The following SLC35F4 variants were observed in gnomAD, a reference collection of about 807,000 sequenced individuals.
The protein encoded by SLC35F4 is solute carrier family 35 member F4.
A neutral mutation model predicts 44.2 loss-of-function variants in SLC35F4; 24 were observed. That is an observed-to-expected ratio of 0.54 (90% CI 0.39 to 0.76). The LOEUF (loss-of-function observed/expected upper bound fraction) is 0.76, where lower values mean the gene tolerates loss of function less well. Ranked by LOEUF, SLC35F4 falls within the 30% of genes least tolerant of loss-of-function variation. SLC35F4 has a pLI of 0.00. For synonymous variants in SLC35F4, 238 were observed against 223.6 expected (o/e 1.06, Z -0.57); for missense variants, 562 against 586.1 (o/e 0.96, Z 0.42).
intron 3 of SLC35F4, among the ~76,000 whole-genome samples, chr14:57,585,807 T>C (rs530775017): frequency 6.6e-6 from 1 of 152,220 alleles, no homozygotes; most frequent in South Asian, 2.1e-4. Context: ...AACAAACCAC[T>C]GCTCAAGGAA....
At chr14:57,614,053 A>G (rs2071666098) in intron 1 of SLC35F4, among the ~76,000 whole-genome samples, 1 of 152,210 alleles carries the variant, frequency 6.6e-6, no homozygotes, top group Non-Finnish European at 1.5e-5. Context: ...TGACTTATAA[A>G]CTGGAGTTTT....
At chr14:57,797,242 G>A (rs2078074583) in intron 1 of SLC35F4, among the ~76,000 whole-genome samples, 1 of 152,202 alleles carries the variant, frequency 6.6e-6, no homozygotes, top group Non-Finnish European at 1.5e-5. Flanking sequence ...GACACTTGCT[G>A]CCTGCTGGGC....
chr14:57,659,836 G>C (rs942782144), intron 1 of SLC35F4, among the ~76,000 whole-genome samples: 2 of 152,106 alleles, frequency 1.3e-5, no homozygotes, highest in Admixed American at 6.6e-5. Context: ...AAATGTTTTG[G>C]CAATATAATC....
intron 1 of SLC35F4, among the ~76,000 whole-genome samples, chr14:57,792,049 A>T (rs1041530821): frequency 6.6e-6 from 1 of 152,112 alleles, no homozygotes; most frequent in African/African-American, 2.4e-5. Context: ...CCACCATGGC[A>T]CATGTGTACC....
intron 1 of SLC35F4, among the ~76,000 whole-genome samples, chr14:57,823,823 T>C (rs1052895215): frequency 2.6e-5 from 4 of 152,210 alleles, no homozygotes; most frequent in African/African-American, 9.6e-5. Flanking sequence ...GACTAAATTA[T>C]ATAAAAATTT....
At chr14:57,692,594 T>C (rs1303025583) in intron 1 of SLC35F4, among the ~76,000 whole-genome samples, 5 of 152,172 alleles carry the variant, frequency 3.3e-5, no homozygotes, top group Non-Finnish European at 7.4e-5. Context: ...TGTGGTGCTA[T>C]TGTGGATGGC....
intron 1 of SLC35F4, among the ~76,000 whole-genome samples, chr14:57,732,939 A>G (rs1375388379): frequency 1.3e-5 from 2 of 152,188 alleles, no homozygotes; most frequent in Non-Finnish European, 2.9e-5. Flanking sequence ...TTATGTAAAA[A>G]GTGCTAAAGT....
At chr14:57,566,418 A>G in intron 7 of SLC35F4, 57 bp downstream of exon 7, 1 of 1,490,192 alleles carries the variant, frequency 6.7e-7, no homozygotes, top group African/African-American at 1.4e-5. Context: ...CACAGAACAA[A>G]CACAAGCAAG....
chr14:57,770,363 C>T (rs185080891), intron 1 of SLC35F4, among the ~76,000 whole-genome samples: 11 of 152,232 alleles, frequency 7.2e-5, no homozygotes, highest in African/African-American at 2.6e-4. Flanking sequence ...GAGGTTGTTT[C>T]GTATGTATGT....
chr14:57,625,877 G>A (rs1314571570), intron 1 of SLC35F4, among the ~76,000 whole-genome samples: 1 of 152,158 alleles, frequency 6.6e-6, no homozygotes, highest in African/African-American at 2.4e-5. Context: ...ACACACGTAT[G>A]TTTATTGCGG....
chr14:57,937,590 GAAAAGAAAA>G (rs1566505564), intron 1 of SLC35F4, among the ~76,000 whole-genome samples: 4 of 14,344 alleles, frequency 2.8e-4, no homozygotes, highest in Non-Finnish European at 4.8e-4. Flanking sequence ...AGAAAAGAAA[GAAAAGAAAA>G]GAAAAGAAAA....
intron 1 of SLC35F4, among the ~76,000 whole-genome samples, chr14:57,977,753 G>C (rs916585283): frequency 1.3e-5 from 2 of 152,152 alleles, no homozygotes; most frequent in Non-Finnish European, 2.9e-5. Flanking sequence ...TCATAGATGG[G>C]TCTGCTCAGT....
intron 1 of SLC35F4, among the ~76,000 whole-genome samples, chr14:57,632,360 T>G (rs2072821334): frequency 6.6e-6 from 1 of 151,672 alleles, no homozygotes; most frequent in South Asian, 2.1e-4. Context: ...AAACATGTTA[T>G]AATAAAAACA....
At chr14:57,791,374 A>T (rs1209345166) in intron 1 of SLC35F4, among the ~76,000 whole-genome samples, 2 of 152,236 alleles carry the variant, frequency 1.3e-5, no homozygotes, top group East Asian at 3.8e-4. Context: ...CAAACATGTG[A>T]AAGAAAACTC....
intron 1 of SLC35F4, among the ~76,000 whole-genome samples, chr14:57,718,770 A>G (rs1055761531): frequency 1.3e-5 from 2 of 151,780 alleles, no homozygotes; most frequent in African/African-American, 4.8e-5. Context: ...ATTTGCAAAT[A>G]TTTTCTCCCA....
At chr14:57,921,960 AC>A (rs1284431812) in intron 1 of SLC35F4, among the ~76,000 whole-genome samples, 1 of 152,124 alleles carries the variant, frequency 6.6e-6, no homozygotes, top group African/African-American at 2.4e-5. Flanking sequence ...TCTTATGATT[AC>A]CCCAGTGTTT....
intron 1 of SLC35F4, among the ~76,000 whole-genome samples, chr14:57,920,564 G>A (rs79927397): frequency 0.056 from 8,592 of 152,184 alleles, 302 homozygotes; most frequent in Middle Eastern, 0.078. Flanking sequence ...CAGAGTGAGA[G>A]CCTGTCTCAA....
At chr14:57,730,798 AAGTCTGTCAAG>A (rs1333762102) in intron 1 of SLC35F4, among the ~76,000 whole-genome samples, 17 of 4,028 alleles carry the variant, frequency 4.2e-3, no homozygotes, top group African/African-American at 5.5e-3. Flanking sequence ...TCTGTCAAGG[AAGTCTGTCAAG>A]GAAGCACTGG....
chr14:57,797,846 T>A (rs1159397140), intron 1 of SLC35F4, among the ~76,000 whole-genome samples: 1 of 152,080 alleles, frequency 6.6e-6, no homozygotes, highest in Admixed American at 6.6e-5. Context: ...GGAAGGTACT[T>A]CCCCATCCCT....
Sources: gnomAD v4.1 joint callset for allele counts (sites outside exome capture counted in the v4.1 genomes callset) on GRCh38, gnomAD v4.1.1 for gene constraint, MANE v1.5 for transcripts, NCBI Gene and HGNC (gene_info 2026-07-23, HGNC 2026-07-21) for gene names.